Variants in XKR4 observed in about 807,000 individuals in gnomAD.
XKR4 encodes XK-related protein 4.
XKR4 carries 12 observed loss-of-function variants against 53.9 expected under a neutral mutation model. That is an observed-to-expected ratio of 0.22 (90% CI 0.14 to 0.36). XKR4 has a LOEUF of 0.36. XKR4 is among the 10% of genes least tolerant of loss of function. The pLI is 1.00. For synonymous variants in XKR4, 354 were observed against 362.4 expected (o/e 0.98, Z 0.26); for missense variants, 799 against 859.5 (o/e 0.93, Z 0.88).
At chr8:55,454,234 C>T (rs1036741293) in intron 2 of XKR4, 15 of 1,146,888 alleles carry the variant, frequency 1.3e-5, no homozygotes, top group South Asian at 9.8e-5. Context: ...GGATGGTCAC[C>T]GTCTCTCCAT....
chr8:55,309,398 A>G (rs1819357291), intron 1 of XKR4, among the ~76,000 whole-genome samples: 1 of 152,216 alleles, frequency 6.6e-6, no homozygotes, highest in Non-Finnish European at 1.5e-5. Context: ...GGTTGCAAAG[A>G]GTTTAGAATG....
At chr8:55,453,136 TC>T in intron 2 of XKR4, 1 of 526,352 alleles carries the variant, frequency 1.9e-6, no homozygotes. Flanking sequence ...GAACACGGCC[TC>T]CCAGAACTGT....
intron 2 of XKR4, among the ~76,000 whole-genome samples, chr8:55,496,987 A>C (rs1328229243): frequency 1.3e-5 from 2 of 152,196 alleles, no homozygotes; most frequent in African/African-American, 4.8e-5. Flanking sequence ...AGCCTGTAAG[A>C]TCCTGCCCAG....
intron 1 of XKR4, among the ~76,000 whole-genome samples, chr8:55,125,712 A>G (rs866096173): frequency 4.3e-4 from 61 of 143,002 alleles, no homozygotes; most frequent in Non-Finnish European, 6.9e-4. Flanking sequence ...AATTAATAAG[A>G]AAAAATGGCC....
At chr8:55,439,857 C>T (rs941610547) in intron 2 of XKR4, among the ~76,000 whole-genome samples, 45 of 152,152 alleles carry the variant, frequency 3.0e-4, no homozygotes, top group Non-Finnish European at 3.8e-4. Flanking sequence ...TATCTTCATA[C>T]TCAAGAAGCC....
intron 1 of XKR4, among the ~76,000 whole-genome samples, chr8:55,239,598 C>T (rs1482620522): frequency 6.6e-6 from 1 of 152,224 alleles, no homozygotes; most frequent in South Asian, 2.1e-4. Flanking sequence ...CTTCCCCTCT[C>T]AGCCTTTCTA....
intron 2 of XKR4, among the ~76,000 whole-genome samples, chr8:55,393,011 A>G (rs1423962638): frequency 6.6e-6 from 1 of 152,186 alleles, no homozygotes; most frequent in Non-Finnish European, 1.5e-5. Flanking sequence ...TTATTAAAAA[A>G]AAATTCAGCC....
At chr8:55,355,640 A>G (rs1803787669) in intron 1 of XKR4, among the ~76,000 whole-genome samples, 1 of 152,260 alleles carries the variant, frequency 6.6e-6, no homozygotes. Flanking sequence ...CAAGTAGCTT[A>G]TAAGAGAATG....
chr8:55,477,309 C>A (rs1806008381), intron 2 of XKR4, among the ~76,000 whole-genome samples: 1 of 152,110 alleles, frequency 6.6e-6, no homozygotes, highest in South Asian at 2.1e-4. Context: ...CTGGAGTGGA[C>A]CTCTAGCAAA....
chr8:55,539,984 T>C lies in XKR4; in HGVS notation c.*15757T>C, dbSNP rs1680553099. The C allele has an allele frequency of 6.6e-6, 1 of 152,136 alleles. No individual in the cohort carries two copies. 9.4% of individuals were successfully genotyped at this position (152,136 alleles called of 1,614,324 possible). On this transcript the variant is annotated 3_prime_UTR_variant, in exon 3 of 3. Coordinates refer to ENST00000327381, the MANE Select transcript of XKR4 (RefSeq NM_052898.2). ...ACCCTTTGAAATGACAGAGTCTAGATTCTTCACCAAACAGATGAAAAGACA... is the reference window on the plus strand; with the variant it reads ...ACCCTTTGAAATGACAGAGTCTAGACTCTTCACCAAACAGATGAAAAGACA...
intron 2 of XKR4, among the ~76,000 whole-genome samples, chr8:55,476,381 G>T (rs555496386): frequency 9.2e-5 from 14 of 152,168 alleles, no homozygotes; most frequent in Admixed American, 5.9e-4. Context: ...GGCAGGAAAC[G>T]GATATGGTTT....
intron 2 of XKR4, among the ~76,000 whole-genome samples, chr8:55,402,245 C>T (rs185470651): frequency 4.1e-4 from 63 of 152,336 alleles, no homozygotes; most frequent in African/African-American, 1.5e-3. Context: ...CACTAGGGTA[C>T]CTGCCCCTGC....
chr8:55,357,508 A>G (rs566632846), intron 1 of XKR4, among the ~76,000 whole-genome samples, 170 bp from the exon 2 acceptor site: 2 of 152,328 alleles, frequency 1.3e-5, no homozygotes, highest in Non-Finnish European at 2.9e-5. Flanking sequence ...GCATTTACAA[A>G]TATGGGTACT....
intron 1 of XKR4, chr8:55,142,176 C>CA: frequency 2.2e-6 from 1 of 456,136 alleles, no homozygotes; most frequent in South Asian, 1.5e-5. Flanking sequence ...CTCTCCTGAG[C>CA]GCTTTGTCTT....
chr8:55,321,689 C>G (rs111661364), intron 1 of XKR4, among the ~76,000 whole-genome samples: 143 of 152,262 alleles, frequency 9.4e-4, no homozygotes, highest in African/African-American at 3.2e-3. Context: ...GAACCCACCA[C>G]CTATTAAAAA....
chr8:55,388,206 T>A (rs1461909765), intron 2 of XKR4, among the ~76,000 whole-genome samples: 1 of 152,188 alleles, frequency 6.6e-6, no homozygotes, highest in Admixed American at 6.5e-5. Flanking sequence ...TTCAGAACAA[T>A]GTCATTTAAT....
At chr8:55,293,358 A>G (rs1423488430) in intron 1 of XKR4, among the ~76,000 whole-genome samples, 2 of 152,138 alleles carry the variant, frequency 1.3e-5, no homozygotes, top group Non-Finnish European at 2.9e-5. Context: ...AATAAAATCC[A>G]TATAGTTTAA....
chr8:55,255,775 A>G (rs975789220), intron 1 of XKR4, among the ~76,000 whole-genome samples: 1 of 152,128 alleles, frequency 6.6e-6, no homozygotes, highest in South Asian at 2.1e-4. Context: ...GTGAAGTCAT[A>G]AATTACATGA....
intron 1 of XKR4, among the ~76,000 whole-genome samples, chr8:55,245,409 A>C (rs1478701612): frequency 6.6e-6 from 1 of 151,994 alleles, no homozygotes; most frequent in Non-Finnish European, 1.5e-5. Flanking sequence ...TATATTTAAT[A>C]ATCCTATATT....
Sources: allele counts gnomAD v4.1 joint callset (sites outside exome capture counted in the v4.1 genomes callset), GRCh38; gene constraint gnomAD v4.1.1; transcripts MANE v1.5; gene names NCBI Gene and HGNC (gene_info 2026-07-23, HGNC 2026-07-21).